Variants in ARHGAP26 observed in about 807,000 individuals in gnomAD.
ARHGAP26 encodes rho GTPase-activating protein 26.
A neutral mutation model predicts 104.8 loss-of-function variants in ARHGAP26; 38 were observed. That is an observed-to-expected ratio of 0.36 (90% confidence interval 0.28 to 0.48). ARHGAP26 has a LOEUF of 0.48. Ranked by LOEUF, ARHGAP26 falls within the 20% of genes least tolerant of loss-of-function variation. The pLI, the probability that ARHGAP26 is intolerant of heterozygous loss-of-function variation, is 0.99. For missense variants in ARHGAP26, 704 were observed against 947.9 expected, an observed-to-expected ratio of 0.74 and a Z score of 3.38; for synonymous variants, 341 against 340.0, an observed-to-expected ratio of 1.00 and a Z score of -0.03.
At chr5:143,099,486 C>T (rs1024525548) in intron 17 of ARHGAP26, among the ~76,000 whole-genome samples, 1 of 152,124 alleles carries the variant, frequency 6.6e-6, no homozygotes. Flanking sequence ...AAAGGATGGA[C>T]GAGATAAAAA....
chr5:143,057,454 A>G (rs1022760414), intron 16 of ARHGAP26, among the ~76,000 whole-genome samples, 188 bp from the exon 17 acceptor site: 1 of 152,134 alleles, frequency 6.6e-6, no homozygotes, highest in African/African-American at 2.4e-5. Flanking sequence ...CTGTTCCAGA[A>G]AGCACCATTA....
At chr5:142,994,153 G>T (rs1329294583) in intron 11 of ARHGAP26, among the ~76,000 whole-genome samples, 5 of 152,210 alleles carry the variant, frequency 3.3e-5, no homozygotes, top group African/African-American at 1.2e-4. Flanking sequence ...TAGTGCTATT[G>T]AAATAGAACA....
At chr5:143,015,592 T>C (rs1779478076) in intron 12 of ARHGAP26, among the ~76,000 whole-genome samples, 1 of 152,128 alleles carries the variant, frequency 6.6e-6, no homozygotes, top group Non-Finnish European at 1.5e-5. Context: ...CAGAGTAGTT[T>C]CCCAGAGGGA....
intron 1 of ARHGAP26, among the ~76,000 whole-genome samples, chr5:142,815,805 AT>A (rs1254019313): frequency 6.6e-6 from 1 of 151,644 alleles, no homozygotes; most frequent in African/African-American, 2.4e-5. Flanking sequence ...TTTTCTTCTT[AT>A]TTTTTTGAGA....
intron 4 of ARHGAP26, among the ~76,000 whole-genome samples, chr5:142,884,431 T>C (rs916501457): frequency 9.2e-5 from 14 of 152,184 alleles, no homozygotes; most frequent in African/African-American, 2.7e-4. Context: ...TTGAAGACAA[T>C]AATACGGCTA....
intron 11 of ARHGAP26, chr5:142,947,095 T>TAAAAAAAAAAAAAAAAAAAAAAA (rs1162871899): frequency 1.4e-5 from 1 of 70,684 alleles, no homozygotes; most frequent in Non-Finnish European, 2.7e-5. Context: ...TTTTTAAAAG[T>TAAAAAAAAAAAAAAAAAAAAAAA]AAAAAAAAAA....
rs1262754470 is a variant in ARHGAP26, at chr5:142,869,208, CT to C, written c.155-4176del. Among the ~76,000 whole-genome samples the C allele has an allele frequency of 4.3e-3, 590 of 137,172 alleles. 1 individual carries two copies. Among genetic ancestry groups the C allele is most frequent in the Admixed American group, 0.015 (199 of 13,612 alleles). 90.0% of individuals were successfully genotyped at this position (137,172 alleles called of 152,430 possible). A position where few individuals can be genotyped will look rare whatever the true frequency, so the allele number is the denominator to read the frequency against. On this transcript the variant is annotated intron_variant, in intron 1 of 22. Transcript: ENST00000645722. ...TCTTTTCTTTTTCTTTTTCTTTTTT[CT>C]TTTTTTTTTTTTTTTGAGACAGCGT...
At chr5:142,844,516 A>G (rs1771511016) in intron 1 of ARHGAP26, among the ~76,000 whole-genome samples, 1 of 151,996 alleles carries the variant, frequency 6.6e-6, no homozygotes, top group Admixed American at 6.6e-5. Context: ...TTCATTTTCA[A>G]TTTCAGAGGG....
intron 1 of ARHGAP26, among the ~76,000 whole-genome samples, chr5:142,857,559 C>T (rs139645587): frequency 2.8e-4 from 43 of 152,274 alleles, no homozygotes; most frequent in African/African-American, 1.0e-3. Context: ...GGAAGCATGT[C>T]AGGGTTTCTT....
intron 11 of ARHGAP26, among the ~76,000 whole-genome samples, chr5:143,007,203 A>G (rs1189819484): frequency 2.7e-5 from 4 of 148,602 alleles, no homozygotes; most frequent in African/African-American, 7.9e-5. Flanking sequence ...CGAAAAAAAA[A>G]AAAAAAAAAA....
intron 11 of ARHGAP26, among the ~76,000 whole-genome samples, chr5:143,006,329 T>G (rs1468024405): frequency 1.3e-5 from 2 of 151,438 alleles, no homozygotes; most frequent in Admixed American, 6.6e-5. Context: ...TTTTTTTTTT[T>G]TTTTTTTTTA....
At position 142,949,208 on chromosome 5, in the gene ARHGAP26, A is replaced by AG. The variant is rs1562136721; in HGVS notation, c.1107+17084dup. 9.0e-3 allele frequency among the ~76,000 whole-genome samples: 562 copies of AG among 62,140 alleles called. 59 individuals carry two copies. Among genetic ancestry groups the AG allele is most frequent in the East Asian group, 0.058 (31 of 534 alleles). 40.8% of individuals were successfully genotyped at this position (62,140 alleles called of 152,430 possible). ...GAGAGAGAGAGAGAGAGAGAGAGAGAGAGAGAGAGAGAGGAGAGAGAGAGG... is the reference window on the plus strand; with the variant it reads ...GAGAGAGAGAGAGAGAGAGAGAGAGAGGAGAGAGAGAGAGGAGAGAGAGAGG... On this transcript the variant is annotated intron_variant, in intron 11 of 22. Coordinates refer to ENST00000645722, the MANE Select transcript of ARHGAP26 (RefSeq NM_001135608.3).
chr5:143,144,766 T>G, intron 19 of ARHGAP26, among the ~76,000 whole-genome samples: 1 of 152,252 alleles, frequency 6.6e-6, no homozygotes, highest in Admixed American at 6.5e-5. Context: ...TTGGTATAGT[T>G]TGCTATAACC....
At chr5:142,868,643 C>T (rs1231867010) in intron 1 of ARHGAP26, among the ~76,000 whole-genome samples, 12 of 152,024 alleles carry the variant, frequency 7.9e-5, no homozygotes, top group South Asian at 6.2e-4. Flanking sequence ...GTGACTTGTG[C>T]GGCAGGGTGA....
chr5:142,860,243 C>T, intron 1 of ARHGAP26: 1 of 152,244 alleles, frequency 6.6e-6, no homozygotes, highest in East Asian at 1.9e-4. Flanking sequence ...GCAGGCCCTT[C>T]TGAGCATGGG....
chr5:142,913,768 C>G (rs1762138300), intron 10 of ARHGAP26, among the ~76,000 whole-genome samples: 1 of 152,172 alleles, frequency 6.6e-6, no homozygotes, highest in African/African-American at 2.4e-5. Context: ...ATTTCACCTA[C>G]CAGTGTGTGT....
chr5:142,830,531 C>G (rs1247755588), intron 1 of ARHGAP26, among the ~76,000 whole-genome samples: 2 of 152,102 alleles, frequency 1.3e-5, no homozygotes, highest in Non-Finnish European at 2.9e-5. Context: ...TGAGTGAAGA[C>G]TTGACTTTTA....
At chr5:143,133,074 T>G (rs1797541489) in intron 18 of ARHGAP26, among the ~76,000 whole-genome samples, 1 of 152,180 alleles carries the variant, frequency 6.6e-6, no homozygotes, top group Non-Finnish European at 1.5e-5. Flanking sequence ...ATAATCATGG[T>G]AAGCACCATA....
rs762934965 is a variant in ARHGAP26 at position 142,811,615 on chromosome 5, C to T, written c.154+40700C>T. Among the ~76,000 whole-genome samples, 6 of 152,128 alleles carry T rather than the reference C, an allele frequency of 3.9e-5. No homozygotes were observed. In the East Asian group the frequency reaches 5.8e-4, roughly 15 times the overall value. On this transcript the variant is annotated intron_variant, in intron 1 of 22. Coordinates refer to ENST00000645722, the MANE Select transcript of ARHGAP26 (RefSeq NM_001135608.3). ...TCTGAGGGACAGAATCATGCCTTTG[C>T]GGAGCTTATATTCTGGCCTTATTTT...
Sources: gnomAD v4.1 joint callset for allele counts (sites outside exome capture counted in the v4.1 genomes callset) on GRCh38, gnomAD v4.1.1 for gene constraint, MANE v1.5 for transcripts, NCBI Gene and HGNC (gene_info 2026-07-23, HGNC 2026-07-21) for gene names.